The following LRP1B variants were observed in gnomAD, a reference collection of about 807,000 sequenced individuals.
LRP1B encodes low-density lipoprotein receptor-related protein 1B.
Under a neutral mutation model 556.6 loss-of-function variants are expected in LRP1B, and 217 were observed. The ratio of observed to expected loss-of-function variants is 0.39; its 90% confidence interval spans 0.35 to 0.44. The LOEUF (loss-of-function observed/expected upper bound fraction) is 0.44, where lower values mean the gene tolerates loss of function less well. Ranked by LOEUF, LRP1B falls within the 20% of genes least tolerant of loss-of-function variation. LRP1B has a pLI of 1.00. For missense variants in LRP1B, 5,053 were observed against 5,620.8 expected, an observed-to-expected ratio of 0.90 and a Z score of 3.23; for synonymous variants, 2,047 against 1,865.8, an observed-to-expected ratio of 1.10 and a Z score of -2.50.
At chr2:141,909,907 A>C (rs970829161) in intron 1 of LRP1B, among the ~76,000 whole-genome samples, 5 of 152,218 alleles carry the variant, frequency 3.3e-5, no homozygotes, top group East Asian at 1.9e-4. Flanking sequence ...TTGCTAGTGC[A>C]GACTTGCCAT....
chr2:141,048,167 T>C (rs1698932591), intron 11 of LRP1B, among the ~76,000 whole-genome samples: 1 of 152,128 alleles, frequency 6.6e-6, no homozygotes, highest in Non-Finnish European at 1.5e-5. Context: ...ACAATTAATG[T>C]TCCTCAAATT....
chr2:140,448,070 A>G lies in LRP1B; in HGVS notation c.10057+2498T>C, dbSNP rs1313707047. Among the ~76,000 whole-genome samples the G allele has an allele frequency of 2.2e-5, 3 of 133,782 alleles. No homozygotes were observed. The East Asian group carries it at 5.8e-4, about 26-fold the overall frequency. The allele number at this position is 133,782 out of a possible 152,430, so 87.8% of individuals were successfully genotyped here. On this transcript the variant is annotated intron_variant, in intron 63 of 90. Transcript: ENST00000389484. Reference sequence around the variant, plus strand: ...CACCAAAACAAATATAATAATAGTAATGAAAAAAAAATTGAACTAGTGTGA... The same window carrying G: ...CACCAAAACAAATATAATAATAGTAGTGAAAAAAAAATTGAACTAGTGTGA...
intron 7 of LRP1B, among the ~76,000 whole-genome samples, chr2:141,153,977 T>G (rs1281687537): frequency 6.6e-6 from 1 of 151,618 alleles, no homozygotes; most frequent in Non-Finnish European, 1.5e-5. Flanking sequence ...TCTCTGAGAA[T>G]AGCAAAACAG....
rs910773439 is a variant in LRP1B, at chr2:140,577,653, T to G, written c.7194+20978A>C. 1.6e-4 allele frequency among the ~76,000 whole-genome samples: 25 copies of G among 152,024 alleles called. 2 individuals carry two copies. The highest frequency in any genetic ancestry group is 2.4e-5 in the African/African-American group (1 of 41,416). ...TCAGGCTAGTATGAAACTCCTGGGC[T>G]CAGGGGATTTTCCCCACCCCCCAGC... On this transcript the variant is annotated intron_variant, in intron 43 of 90. Transcript: ENST00000389484.
At chr2:140,238,572 C>A (rs1680814542) in intron 88 of LRP1B, among the ~76,000 whole-genome samples, 2 of 150,718 alleles carry the variant, frequency 1.3e-5, no homozygotes, top group African/African-American at 4.8e-5. Flanking sequence ...TCTATTTTTT[C>A]TCCTTTCTGA....
At chr2:140,549,338 T>C (rs1031270371) in intron 43 of LRP1B, among the ~76,000 whole-genome samples, 1 of 152,170 alleles carries the variant, frequency 6.6e-6, no homozygotes, top group African/African-American at 2.4e-5. Context: ...CACACGGATA[T>C]ATAAGTATTC....
intron 7 of LRP1B, among the ~76,000 whole-genome samples, chr2:141,106,838 G>A (rs1050150954): frequency 2.6e-5 from 4 of 152,024 alleles, no homozygotes; most frequent in Non-Finnish European, 4.4e-5. Context: ...ACCAATCCAC[G>A]AGTCAACCAC....
rs569044275 is a variant in LRP1B at position 140,881,644 on chromosome 2, TA to T, written c.4169+2172del. The stretch of plus-strand genomic sequence containing the variant: ...TAAGCATTATTTTGTTACCCTATTT[TA>T]AAAAAAAGTATTATTTTATTATCAA... On this transcript the variant is annotated intron_variant, in intron 25 of 90. Transcript: ENST00000389484. Among the ~76,000 whole-genome samples the T allele has an allele frequency of 1.6e-3, 246 of 151,814 alleles. 1 individual carries two copies. The highest frequency in any genetic ancestry group is 2.7e-3 in the Non-Finnish European group (184 of 67,878).
intron 1 of LRP1B, among the ~76,000 whole-genome samples, chr2:141,969,886 C>T (rs949443688): frequency 6.6e-6 from 1 of 151,536 alleles, no homozygotes; most frequent in Non-Finnish European, 1.5e-5. Context: ...TTTACATTCC[C>T]ACTAAGGTTT....
At chr2:141,848,662 G>T (rs1392350293) in intron 1 of LRP1B, among the ~76,000 whole-genome samples, 3 of 151,392 alleles carry the variant, frequency 2.0e-5, no homozygotes, top group Non-Finnish European at 4.4e-5. Flanking sequence ...TGAACTCTGT[G>T]CATGGTTTCA....
In LRP1B at chr2:140,478,429, G is replaced by A. The variant is rs111654329; in HGVS notation, c.9426-3092C>T. ...CTTCCAAAGTGCTGTGGTTACAGGCGTGAGCCACCGTGCCAATTTAGAATT... is the reference window on the plus strand; with the variant it reads ...CTTCCAAAGTGCTGTGGTTACAGGCATGAGCCACCGTGCCAATTTAGAATT... On this transcript the variant is annotated intron_variant, in intron 59 of 90. Transcript: ENST00000389484. Among the ~76,000 whole-genome samples, 751 of 152,230 alleles carry A rather than the reference G, an allele frequency of 4.9e-3. 8 individuals are homozygous for A. The highest frequency in any genetic ancestry group is 0.015 in the African/African-American group (641 of 41,542).
rs1681766681 is a variant in LRP1B, at chr2:141,196,695, G to GA, written c.851-8113dup. On this transcript the variant is annotated intron_variant, in intron 6 of 90. Coordinates refer to ENST00000389484, the MANE Select transcript of LRP1B (RefSeq NM_018557.3). ...GAACTACAAAACTCCTCCCCAAATG[G>GA]AAAATCAGTATTCTAGTCAGTTTTT... Among the ~76,000 whole-genome samples, 3 of 151,964 alleles carry GA rather than the reference G, an allele frequency of 2.0e-5. No individual in the cohort carries two copies. In the South Asian group the frequency reaches 6.2e-4, roughly 32 times the overall value.
intron 3 of LRP1B, among the ~76,000 whole-genome samples, chr2:141,449,373 TA>T (rs1681322439): frequency 6.6e-6 from 1 of 152,240 alleles, no homozygotes; most frequent in African/African-American, 2.4e-5. Flanking sequence ...TATATTTAAA[TA>T]TTTTACTGTA....
intron 3 of LRP1B, among the ~76,000 whole-genome samples, chr2:141,424,567 A>C (rs1274424874): frequency 2.0e-5 from 3 of 152,222 alleles, no homozygotes; most frequent in Admixed American, 6.5e-5. Context: ...TTGAATAAAT[A>C]CAATTAAAAA....
chr2:140,421,397 G>A lies in LRP1B; in HGVS notation c.10414+21107C>T, dbSNP rs574486855. 4.6e-5 allele frequency among the ~76,000 whole-genome samples: 7 copies of A among 152,188 alleles called. No individual in the cohort carries two copies. The South Asian group carries it at 8.3e-4, about 18-fold the overall frequency. On this transcript the variant is annotated intron_variant, in intron 66 of 90. Transcript: ENST00000389484. ...TTGTGCAAACTATATAATATTGGCC[G>A]GAAGATTTATACTGGTCACTAATGT...
intron 29 of LRP1B, among the ~76,000 whole-genome samples, chr2:140,842,249 T>C (rs1387076325): frequency 6.6e-6 from 1 of 152,216 alleles, no homozygotes. Flanking sequence ...GTATGCCAAC[T>C]AGTTCAAAAT....
At chr2:141,050,846 A>G (rs1255931165) in intron 10 of LRP1B, among the ~76,000 whole-genome samples, 1 of 152,104 alleles carries the variant, frequency 6.6e-6, no homozygotes, top group Non-Finnish European at 1.5e-5. Flanking sequence ...TGAATGGGCA[A>G]CCTACAGAAT....
At chr2:141,495,116 T>A (rs1054864774) in intron 2 of LRP1B, among the ~76,000 whole-genome samples, 1 of 151,982 alleles carries the variant, frequency 6.6e-6, no homozygotes, top group Non-Finnish European at 1.5e-5. Context: ...GGTAGAAACA[T>A]AAATGAAACT....
chr2:141,500,564 T>C (rs1003199338), intron 2 of LRP1B, among the ~76,000 whole-genome samples: 7 of 152,150 alleles, frequency 4.6e-5, no homozygotes, highest in East Asian at 3.9e-4. Flanking sequence ...GGGAATTATA[T>C]GGTAAGTCAA....
Sources: allele counts gnomAD v4.1 joint callset (sites outside exome capture counted in the v4.1 genomes callset), GRCh38; gene constraint gnomAD v4.1.1; transcripts MANE v1.5; gene names NCBI Gene and HGNC (gene_info 2026-07-23, HGNC 2026-07-21).